EFR3B: variants seen among roughly 807,000 people sequenced by gnomAD.
EFR3B encodes the protein EFR3 homolog B.
Under a neutral mutation model 104.7 loss-of-function variants are expected in EFR3B, and 64 were observed. That is an observed-to-expected ratio of 0.61 (90% CI 0.50 to 0.75). The LOEUF (loss-of-function observed/expected upper bound fraction) is 0.75. Among genes scored for constraint, EFR3B ranks in the 30% least tolerant of loss-of-function variants. The pLI, the probability that EFR3B is intolerant of heterozygous loss-of-function variation, is 0.00. For missense variants in EFR3B, 750 were observed against 1,078.5 expected (o/e 0.70, Z 4.27); for synonymous variants, 385 against 417.9 (o/e 0.92, Z 0.96).
rs151057504 is a variant in EFR3B at position 25,135,216 on chromosome 2, G to A, written c.1312-251G>A. Among the ~76,000 whole-genome samples the A allele has an allele frequency of 9.3e-3, 1,416 of 152,240 alleles. 13 individuals carry two copies. Among genetic ancestry groups the A allele is most frequent in the Non-Finnish European group, 0.014 (971 of 68,010 alleles). On this transcript the variant is annotated intron_variant, in intron 12 of 22. Coordinates refer to ENST00000403714, the MANE Select transcript of EFR3B (RefSeq NM_014971.2). ...TCCCTCCAGGGCTCATCCCTTGCTTGCTTTTTAACACCCGAATGTCCCTGC... is the reference window on the plus strand; with the variant it reads ...TCCCTCCAGGGCTCATCCCTTGCTTACTTTTTAACACCCGAATGTCCCTGC...
intron 1 of EFR3B, among the ~76,000 whole-genome samples, chr2:25,048,093 G>A (rs1667769973): frequency 6.6e-6 from 1 of 152,126 alleles, no homozygotes; most frequent in Non-Finnish European, 1.5e-5. Context: ...ATGGCTTACT[G>A]TAGCCTCAAC....
In EFR3B at chr2:25,071,753, C is replaced by T. The variant is rs531284863; in HGVS notation, c.8-19572C>T. Among the ~76,000 whole-genome samples, 10 of 152,298 alleles carry T rather than the reference C, an allele frequency of 6.6e-5. No homozygotes were observed. In the South Asian group the frequency reaches 2.1e-3, roughly 32 times the overall value. ...TATTTTGTTGTCTTCCAAATTGTGTCATGGAGGTTTGCACTTAATCGATAC... is the reference window on the plus strand; with the variant it reads ...TATTTTGTTGTCTTCCAAATTGTGTTATGGAGGTTTGCACTTAATCGATAC... On this transcript the variant is annotated intron_variant, in intron 1 of 22. Transcript: ENST00000403714.
intron 4 of EFR3B, among the ~76,000 whole-genome samples, chr2:25,109,415 T>A (rs1164477346): frequency 6.6e-6 from 1 of 152,218 alleles, no homozygotes; most frequent in Non-Finnish European, 1.5e-5. Context: ...ACCATCATAC[T>A]TGCTGGTGGA....
At chr2:25,066,621 C>T (rs887166769) in intron 1 of EFR3B, among the ~76,000 whole-genome samples, 2 of 152,204 alleles carry the variant, frequency 1.3e-5, no homozygotes, top group African/African-American at 4.8e-5. Context: ...GAAGGAAGTC[C>T]CAGCACGCTG....
intron 4 of EFR3B, among the ~76,000 whole-genome samples, chr2:25,118,814 G>A (rs1669938316): frequency 6.6e-6 from 1 of 151,244 alleles, no homozygotes; most frequent in African/African-American, 2.4e-5. Flanking sequence ...GCCAAGGCGG[G>A]CGGATCATGA....
At chr2:25,134,269 T>A (rs1395062329) in intron 12 of EFR3B, among the ~76,000 whole-genome samples, 3 of 151,402 alleles carry the variant, frequency 2.0e-5, no homozygotes, top group Non-Finnish European at 2.9e-5. Context: ...AACCTTCGCC[T>A]CCCAGGTTCA....
intron 3 of EFR3B, among the ~76,000 whole-genome samples, chr2:25,096,030 T>C (rs115863072): frequency 0.011 from 1,662 of 151,950 alleles, 35 homozygotes; most frequent in African/African-American, 0.035. Context: ...AGTCTTTTTT[T>C]TTTGAGATGG....
chr2:25,125,668 G>A (rs1408795427), intron 5 of EFR3B, among the ~76,000 whole-genome samples: 3 of 152,188 alleles, frequency 2.0e-5, no homozygotes, highest in Admixed American at 6.5e-5. Flanking sequence ...CAAAGTTAAG[G>A]CCAGGCACGG....
intron 1 of EFR3B, among the ~76,000 whole-genome samples, chr2:25,087,129 G>A (rs893600526): frequency 4.6e-5 from 7 of 152,024 alleles, no homozygotes; most frequent in African/African-American, 1.7e-4. Context: ...GTGAAGCAGG[G>A]AAAAGCCCCT....
At chr2:25,077,293 CTT>C (rs901826696) in intron 1 of EFR3B, among the ~76,000 whole-genome samples, 1 of 148,622 alleles carries the variant, frequency 6.7e-6, no homozygotes, top group Non-Finnish European at 1.5e-5. Flanking sequence ...AGTTTTAAAA[CTT>C]TTTTTTTTTG....
At chr2:25,090,246 C>G (rs1669074683) in intron 1 of EFR3B, among the ~76,000 whole-genome samples, 1 of 152,228 alleles carries the variant, frequency 6.6e-6, no homozygotes, top group Non-Finnish European at 1.5e-5. Flanking sequence ...CCAGGCCCCC[C>G]GGGCCCCTCC....
chr2:25,150,191 T>C (rs1292024064), intron 20 of EFR3B, among the ~76,000 whole-genome samples: 1 of 151,666 alleles, frequency 6.6e-6, no homozygotes. Context: ...TCACAGCTAC[T>C]TGGGAGGCTG....
intron 1 of EFR3B, among the ~76,000 whole-genome samples, chr2:25,067,050 GCT>G (rs1441332276): frequency 6.6e-6 from 1 of 152,178 alleles, no homozygotes; most frequent in Non-Finnish European, 1.5e-5. Flanking sequence ...TGATGTCAGT[GCT>G]CTGTGTCTCC....
intron 17 of EFR3B, 106 bp downstream of exon 17, chr2:25,141,539 G>A: frequency 1.6e-6 from 2 of 1,214,066 alleles, no homozygotes; most frequent in Non-Finnish European, 1.1e-6. Context: ...TCAGACTTCT[G>A]TGGACTCAAG....
intron 10 of EFR3B, among the ~76,000 whole-genome samples, chr2:25,132,404 G>A (rs1469238724): frequency 6.6e-6 from 1 of 152,164 alleles, no homozygotes. Context: ...AAATGTGTGT[G>A]CTCCTGGGAG....
At chr2:25,070,090 G>T (rs1303747589) in intron 1 of EFR3B, among the ~76,000 whole-genome samples, 1 of 152,200 alleles carries the variant, frequency 6.6e-6, no homozygotes, top group Non-Finnish European at 1.5e-5. Context: ...CATGGCAATG[G>T]TAAACTGACA....
intron 4 of EFR3B, among the ~76,000 whole-genome samples, chr2:25,120,200 A>C (rs1011058735): frequency 1.3e-5 from 2 of 151,812 alleles, no homozygotes; most frequent in Admixed American, 1.3e-4. Flanking sequence ...ACAAAAAAAA[A>C]ATTAGCTGGG....
chr2:25,122,287 G>A (rs1670038472), intron 5 of EFR3B, among the ~76,000 whole-genome samples: 1 of 152,108 alleles, frequency 6.6e-6, no homozygotes, highest in East Asian at 1.9e-4. Flanking sequence ...GTTTCTAAAG[G>A]AAAAACTGCT....
Position 25,156,084 on chromosome 2 carries a change from CG to C in EFR3B, c.*1746del, listed in dbSNP as rs1671160187. The C allele has an allele frequency of 6.6e-6, 1 of 151,998 alleles. No individual in the cohort carries two copies. The highest frequency in any genetic ancestry group is 2.4e-5 in the African/African-American group (1 of 41,364). 9.4% of individuals were successfully genotyped at this position (151,998 alleles called of 1,614,324 possible). On this transcript the variant is annotated 3_prime_UTR_variant, in exon 23 of 23. Coordinates refer to ENST00000403714, the MANE Select transcript of EFR3B (RefSeq NM_014971.2). ...CTCATAGCCCCACGTGTGGTGTGCA[CG>C]GATGTGCAGGGAGAGCCTGATTGTT...
Sources: allele counts gnomAD v4.1 joint callset (sites outside exome capture counted in the v4.1 genomes callset), GRCh38; gene constraint gnomAD v4.1.1; transcripts MANE v1.5; gene names NCBI Gene and HGNC (gene_info 2026-07-23, HGNC 2026-07-21).